The following BCAR1 variants were observed in gnomAD, a reference collection of about 807,000 sequenced individuals.
The protein encoded by BCAR1 is breast cancer anti-estrogen resistance protein 1.
Under a neutral mutation model 67.6 loss-of-function variants are expected in BCAR1, and 30 were observed. The ratio of observed to expected loss-of-function variants is 0.44; its 90% CI spans 0.33 to 0.60. BCAR1 has a LOEUF of 0.60. Ranked by LOEUF, BCAR1 falls within the 20% of genes least tolerant of loss-of-function variation. The probability of loss-of-function intolerance (pLI) is 0.02; values close to 1 mark genes in which losing one functional copy is unlikely to be tolerated. For missense variants in BCAR1, 1,313 were observed against 1,222.3 expected, an observed-to-expected ratio of 1.07 and a Z score of -1.11; for synonymous variants, 626 against 556.7, an observed-to-expected ratio of 1.12 and a Z score of -1.75.
chr16:75,263,294 C>G, intron 1 of BCAR1: 1 of 985,484 alleles, frequency 1.0e-6, no homozygotes, highest in Non-Finnish European at 1.2e-6. Flanking sequence ...TAAACATGGA[C>G]TCCCAAGCCA....
intron 1 of BCAR1, among the ~76,000 whole-genome samples, chr16:75,262,113 A>G (rs1355343171): frequency 6.6e-6 from 1 of 151,948 alleles, no homozygotes; most frequent in Non-Finnish European, 1.5e-5. Context: ...ACCTTGACCC[A>G]CCAAAACACT....
intron 1 of BCAR1, chr16:75,266,661 G>T: frequency 8.2e-7 from 1 of 1,226,516 alleles, no homozygotes; most frequent in Non-Finnish European, 1.1e-6. Context: ...TGCCAGGCAG[G>T]CCTTGCTGAT....
chr16:75,233,916 T>G lies in BCAR1; in HGVS notation c.2030A>C (p.Lys677Thr). The G allele has an allele frequency of 6.2e-7, 1 of 1,609,390 alleles. No homozygotes were observed. The highest frequency in any genetic ancestry group is 8.5e-7 in the Non-Finnish European group (1 of 1,177,974). The change falls in exon 6 of 7, where the codon AAG becomes ACG. Residue 677 changes from lysine (K) to threonine (T), a missense_variant. By Grantham distance (78) the Lys-to-Thr change is moderately conservative. Around this residue, in one of 2 missense-constraint regions of BCAR1, gnomAD observed 1,272 missense variants for 1,137.5 expected, o/e 1.12. Transcript: ENST00000162330. Reference sequence around the variant, plus strand: ...CTTTTCCAGCAGCTCCTTCTGGGTCTTCTCAAACTCCTCCTTCCCCTGGAG... The same window carrying G: ...CTTTTCCAGCAGCTCCTTCTGGGTCGTCTCAAACTCCTCCTTCCCCTGGAG... ...VHLQGKEEFE[K>T]TQKELLEKGS...
chr16:75,267,962 C>A, exon 1 of BCAR1: 2 of 1,600,776 alleles, frequency 1.2e-6, no homozygotes, highest in Non-Finnish European at 1.7e-6. Context: ...GCCAGAGGAG[C>A]CTCACCAGGG....
Position 75,261,375 on chromosome 16 carries a change from C to T in BCAR1, c.66+6540G>A, listed in dbSNP as rs1441984259. Among the ~76,000 whole-genome samples the T allele has an allele frequency of 2.0e-5, 3 of 152,214 alleles. No homozygotes were observed. In the East Asian group the frequency reaches 5.8e-4, roughly 29 times the overall value. ...GGGAGGTCTGCAGGTATCACCCAGG[C>T]CCCCCACTCACCCTCCTGGCTGTAG... On this transcript the variant is annotated intron_variant, in intron 1 of 6. Coordinates refer to the BCAR1 transcript ENST00000393422.
chr16:75,247,785 C>T, intron 1 of BCAR1: 1 of 499,608 alleles, frequency 2.0e-6, no homozygotes, highest in Non-Finnish European at 3.6e-6. Flanking sequence ...TGGCTCATAT[C>T]TGGCCTGCAC....
At chr16:75,261,059 T>G (rs2077897838) in intron 1 of BCAR1, among the ~76,000 whole-genome samples, 1 of 152,142 alleles carries the variant, frequency 6.6e-6, no homozygotes, top group African/African-American at 2.4e-5. Flanking sequence ...GGAGAAGAGA[T>G]TAACTTCAGA....
intron 5 of BCAR1, 75 bp from the exon 6 acceptor site, chr16:75,234,010 G>A (rs975180399): frequency 2.8e-5 from 41 of 1,443,918 alleles, no homozygotes; most frequent in East Asian, 7.4e-5. Context: ...TGTGGCGGGC[G>A]CAGTGAGCTG....
At chr16:75,233,760 A>C in intron 6 of BCAR1, 86 bp downstream of exon 6, 5 of 1,357,526 alleles carry the variant, frequency 3.7e-6, no homozygotes, top group African/African-American at 1.5e-5. Context: ...GAAGCTGGGG[A>C]CCCGGGGTCG....
At chr16:75,246,856 A>C (rs1219423364) in intron 1 of BCAR1, 1 of 152,330 alleles carries the variant, frequency 6.6e-6, no homozygotes, top group East Asian at 1.9e-4. Context: ...GGCATGACCC[A>C]AGCTGGGCCA....
At chr16:75,267,171 C>G (rs2078020687) in intron 1 of BCAR1, among the ~76,000 whole-genome samples, 1 of 152,182 alleles carries the variant, frequency 6.6e-6, no homozygotes, top group Admixed American at 6.5e-5. Context: ...AAGAGGCCAG[C>G]AGCAATGAGG....
chr16:75,248,120 A>C, intron 1 of BCAR1: 1 of 1,597,588 alleles, frequency 6.3e-7, no homozygotes, highest in South Asian at 1.1e-5. Context: ...CACTGAGTCC[A>C]GAAGCAGCAG....
At chr16:75,234,811 G>C in intron 5 of BCAR1, 78 bp downstream of exon 5, 2 of 1,502,492 alleles carry the variant, frequency 1.3e-6, no homozygotes, top group Non-Finnish European at 8.9e-7. Context: ...CCAGGCCCCA[G>C]CTGAGAACAA....
In BCAR1 at chr16:75,242,667, A is replaced by G. The variant is rs2077386976; in HGVS notation, c.436T>C (p.Ser146Pro). ...TGGGGTGTCTGCTTCGAGAAGGTGG[A>G]TGTCTGCTTGGCTGGGGGAGACTGG... ...QFQSPPAKQT[S>P]TFSKQTPHHP... The change falls in exon 2 of 7, where the codon TCC becomes CCC. Residue 146 changes from serine to proline, a missense_variant. This residue lies in a region of BCAR1 where 1,272 missense variants were observed against 1,137.5 expected (regional missense o/e 1.12). Transcript: ENST00000162330. The G allele has an allele frequency of 1.3e-6, 2 of 1,530,344 alleles. No homozygotes were observed. Among genetic ancestry groups the G allele is most frequent in the Non-Finnish European group, 1.8e-6 (2 of 1,140,310 alleles). The allele number at this position is 1,530,344 out of a possible 1,614,324, so 94.8% of individuals were successfully genotyped here.
intron 1 of BCAR1, chr16:75,247,937 G>T (rs1204859985): frequency 1.3e-6 from 1 of 783,388 alleles, no homozygotes; most frequent in East Asian, 2.5e-5. Flanking sequence ...TGCCACACTT[G>T]TCACTAAGTT....
chr16:75,234,060 C>G (rs1277448012), intron 5 of BCAR1, 125 bp from the exon 6 acceptor site: 2 of 815,354 alleles, frequency 2.5e-6, no homozygotes, highest in East Asian at 2.7e-5. Flanking sequence ...CGCACACACA[C>G]GCACACGTGG....
chr16:75,248,357 C>A, intron 1 of BCAR1: 1 of 1,289,436 alleles, frequency 7.8e-7, no homozygotes. Flanking sequence ...CCATCACAAA[C>A]TTGGGCCAAG....
chr16:75,253,532 G>C (rs1360344277), upstream of BCAR1, among the ~76,000 whole-genome samples: 2 of 152,194 alleles, frequency 1.3e-5, no homozygotes, highest in Non-Finnish European at 2.9e-5. Flanking sequence ...TCCTCCCCCA[G>C]TAGCTGCATT....
rs375884665 is a variant in BCAR1, at chr16:75,234,931, G to A, written c.1968C>T (p.Ser656=). ...QDSPDGQYEN[S]EGGWMEDYDY... ...CATAGTCCTCCATCCAGCCCCCCTC[G>A]CTGTTCTCGTACTGCCCATCTGGCG... The change falls in exon 5 of 7, where the codon AGC becomes AGT. Residue 656 remains serine (S), a synonymous_variant. Coordinates refer to ENST00000162330, the MANE Select transcript of BCAR1 (RefSeq NM_014567.5). 7 of 1,560,654 alleles carry A rather than the reference G, an allele frequency of 4.5e-6. No homozygotes were observed. The highest frequency in any genetic ancestry group is 3.5e-5 in the Admixed American group (2 of 56,382).
Sources: gnomAD v4.1 joint callset for allele counts (sites outside exome capture counted in the v4.1 genomes callset) on GRCh38, gnomAD v4.1.1 for gene constraint, gnomAD v4.1.1 regional missense constraint, MANE v1.5 for transcripts, NCBI Gene and HGNC (gene_info 2026-07-23, HGNC 2026-07-21) for gene names.